KCNH6: variants seen among roughly 807,000 people sequenced by gnomAD.
The protein encoded by KCNH6 is potassium voltage-gated channel subfamily H member 6.
KCNH6 carries 81 observed loss-of-function variants against 83.4 expected under a neutral mutation model. The ratio of observed to expected loss-of-function variants is 0.97; its 90% CI spans 0.81 to 1.17. The LOEUF is 1.17. KCNH6 is among the 50% of genes most tolerant of loss of function. KCNH6 has a pLI of 0.00. For synonymous variants in KCNH6, 503 were observed against 545.6 expected (o/e 0.92, Z 1.09); for missense variants, 1,203 against 1,290.5 (o/e 0.93, Z 1.04).
At position 63,534,204 on chromosome 17, in the gene KCNH6, A is replaced by G; in HGVS notation, c.994A>G (p.Ser332Gly). 6.2e-7 allele frequency: 1 copy of G among 1,613,864 alleles called. No individual in the cohort carries two copies. Among genetic ancestry groups the G allele is most frequent in the Non-Finnish European group, 8.5e-7 (1 of 1,179,940 alleles). The change falls in exon 5 of 13, where the codon AGC becomes GGC. Residue 332 changes from serine to glycine, a missense_variant. Ser to Gly is a moderately conservative substitution (Grantham distance 56). Transcript: ENST00000314672. This position sits in a 1 kb window ranked among gnomAD's most constrained non-coding sequence, Gnocchi z 5.0. The stretch of plus-strand genomic sequence containing the variant: ...TGTCAACACCAATGATGAGGTGGTC[A>G]GCCACCCCCGCCGCATCGCCGTCCA... ...TYVNTNDEVV[S>G]HPRRIAVHYF...
chr17:63,542,244 A>G lies in KCNH6; in HGVS notation c.1958A>G (p.Lys653Arg). ...CTCCCACCCCTCTGGCTGGCAGGAAAGAATGACATCTTTGGGGAACCCGTC... is the reference window on the plus strand; with the variant it reads ...CTCCCACCCCTCTGGCTGGCAGGAAGGAATGACATCTTTGGGGAACCCGTC... ...RDDVVVAILGKNDIFGEPVSL... is the reference protein window; with the variant it reads ...RDDVVVAILGRNDIFGEPVSL... Residue 653 changes from lysine (K) to arginine (R), a missense_variant, in exon 9 of 13, where the codon AAG (lysine) becomes AGG (arginine). By Grantham distance (26) the Lys-to-Arg change is conservative. Transcript: ENST00000314672. The G allele has an allele frequency of 1.2e-6, 2 of 1,613,566 alleles. No individual in the cohort carries two copies. Among genetic ancestry groups the G allele is most frequent in the South Asian group, 1.1e-5 (1 of 91,084 alleles).
chr17:63,532,634 A>G lies in KCNH6; in HGVS notation c.676-1252A>G, dbSNP rs894592529. Reference sequence around the variant, plus strand: ...CCCCACTCAAGGGTTTGGATGTCAGATAGGGACCCTCTGGTTGAAACTAAA... The same window carrying G: ...CCCCACTCAAGGGTTTGGATGTCAGGTAGGGACCCTCTGGTTGAAACTAAA... On this transcript the variant is annotated intron_variant, in intron 4 of 12. Coordinates refer to ENST00000314672, the MANE Select transcript of KCNH6 (RefSeq NM_001278919.2). Among the ~76,000 whole-genome samples, 4 of 152,224 alleles carry G rather than the reference A, an allele frequency of 2.6e-5. No homozygotes were observed. The East Asian group carries it at 7.7e-4, about 29-fold the overall frequency.
downstream of KCNH6, among the ~76,000 whole-genome samples, chr17:63,547,536 T>A (rs1213609548): frequency 9.3e-5 from 4 of 42,808 alleles, no homozygotes; most frequent in Admixed American, 5.0e-4. Context: ...TTAACATCGT[T>A]CTTTTTTCTT....
At chr17:63,539,634 G>C (rs914198508) in intron 8 of KCNH6, among the ~76,000 whole-genome samples, 11 of 152,306 alleles carry the variant, frequency 7.2e-5, no homozygotes, top group African/African-American at 2.6e-4. Context: ...CCACGCCACA[G>C]TCTGCCAAGG....
chr17:63,547,520 C>A (rs569788290), downstream of KCNH6, among the ~76,000 whole-genome samples: 1 of 15,144 alleles, frequency 6.6e-5, no homozygotes, highest in East Asian at 1.8e-3. Flanking sequence ...CACAAGAAAC[C>A]CTTCTTTAAC....
chr17:63,525,269 T>C (rs1332728590), intron 2 of KCNH6, among the ~76,000 whole-genome samples: 1 of 152,190 alleles, frequency 6.6e-6, no homozygotes, highest in Non-Finnish European at 1.5e-5. Flanking sequence ...ATTTCATAGA[T>C]GTGGAAGGGA....
chr17:63,542,063 C>T (rs1051475369), intron 8 of KCNH6, among the ~76,000 whole-genome samples, 178 bp from the exon 9 acceptor site: 5 of 152,178 alleles, frequency 3.3e-5, no homozygotes, highest in South Asian at 2.1e-4. Context: ...GAGAACAGCC[C>T]CACCCCTACC....
chr17:63,548,983 A>T (rs2033199706), downstream of KCNH6: 1 of 152,192 alleles, frequency 6.6e-6, no homozygotes, highest in Non-Finnish European at 1.5e-5. Flanking sequence ...AAATTAAAAA[A>T]AAAAGAGGAT....
At position 63,530,072 on chromosome 17, in the gene KCNH6, C is replaced by G. The variant is rs777210766; in HGVS notation, c.308-19C>G. 1 of 1,611,600 alleles carries G rather than the reference C, an allele frequency of 6.2e-7. No individual in the cohort carries two copies. The highest frequency in any genetic ancestry group is 8.5e-7 in the Non-Finnish European group (1 of 1,179,348). ...ACCCCTTCAGGGCCCACCCCCCATC[C>G]TCCCAATGGTGTTCGCAGCCTCCAG... On this transcript the variant is annotated intron_variant, in intron 2 of 12. Coordinates refer to ENST00000314672, the MANE Select transcript of KCNH6 (RefSeq NM_001278919.2).
At position 63,535,833 on chromosome 17, in the gene KCNH6, C is replaced by A. The variant is rs367858262; in HGVS notation, c.1266C>A (p.Ile422=). 6.2e-7 allele frequency: 1 copy of A among 1,614,084 alleles called. No homozygotes were observed. The highest frequency in any genetic ancestry group is 2.2e-5 in the East Asian group (1 of 44,902). The change falls in exon 6 of 13, where the codon ATC becomes ATA. Residue 422 remains isoleucine, a synonymous_variant. Transcript: ENST00000314672. This position sits in a 1 kb window ranked among gnomAD's most constrained non-coding sequence, Gnocchi z 4.9. ...AHWLACIWYA[I]GNVERPYLEH... ...GGCTGGCCTGCATCTGGTACGCCATCGGCAATGTGGAGCGGCCCTACCTAG... is the reference window on the plus strand; with the variant it reads ...GGCTGGCCTGCATCTGGTACGCCATAGGCAATGTGGAGCGGCCCTACCTAG...
rs1281330659 is a variant in KCNH6 at position 63,536,236 on chromosome 17, G to A, written c.1501+168G>A. 2.0e-5 allele frequency: 13 copies of A among 646,054 alleles called. No homozygotes were observed. In the East Asian group the frequency reaches 3.2e-4, roughly 16 times the overall value. 40.0% of individuals were successfully genotyped at this position (646,054 alleles called of 1,614,324 possible). A position where few individuals can be genotyped will look rare whatever the true frequency, so the allele number is the denominator to read the frequency against. Reference sequence around the variant, plus strand: ...ATTTTTGCTGGTGTGTGCACCAAGTGTATACAATATTTAACACCCACACAG... The same window carrying A: ...ATTTTTGCTGGTGTGTGCACCAAGTATATACAATATTTAACACCCACACAG... On this transcript the variant is annotated intron_variant, in intron 6 of 12. Coordinates refer to ENST00000314672, the MANE Select transcript of KCNH6 (RefSeq NM_001278919.2).
chr17:63,547,065 A>G (rs1243367525), downstream of KCNH6, among the ~76,000 whole-genome samples: 4 of 152,052 alleles, frequency 2.6e-5, 1 homozygote, highest in Admixed American at 1.3e-4. Context: ...TATTATCCCC[A>G]TTTTACAGAT....
At chr17:63,543,530 A>G (rs777286676) in intron 9 of KCNH6, 46 bp from the exon 10 acceptor site, 11 of 1,232,370 alleles carry the variant, frequency 8.9e-6, no homozygotes, top group Non-Finnish European at 1.3e-5. Flanking sequence ...AAGAGGCCCC[A>G]TCCCAGCTTT....
intron 8 of KCNH6, among the ~76,000 whole-genome samples, chr17:63,541,714 G>A (rs1286414775): frequency 2.0e-5 from 3 of 152,208 alleles, no homozygotes; most frequent in Admixed American, 6.5e-5. Context: ...CTGGGGTCTA[G>A]ACAGGGGGAG....
In KCNH6 at chr17:63,530,145, C is replaced by A. The variant is rs147534520; in HGVS notation, c.362C>A (p.Ala121Asp). The A allele has an allele frequency of 6.2e-7, 1 of 1,614,106 alleles. No individual in the cohort carries two copies. Among genetic ancestry groups the A allele is most frequent in the Admixed American group, 1.7e-5 (1 of 60,036 alleles). ...GTGCCCGTGAAGAACGAGGACGGGG[C>A]TGTCATCATGTTCATTCTCAACTTC... ...DVVPVKNEDG[A>D]VIMFILNFED... Residue 121 changes from alanine (A) to aspartate (D), a missense_variant, in exon 3 of 13, where the codon GCT (alanine) becomes GAT (aspartate). Transcript: ENST00000314672.
At chr17:63,526,839 T>C (rs866297406) in intron 2 of KCNH6, among the ~76,000 whole-genome samples, 1 of 152,176 alleles carries the variant, frequency 6.6e-6, no homozygotes. Context: ...TACAGACATT[T>C]GGGCTCAAAG....
rs147226546 is a variant in KCNH6, at chr17:63,544,050, G to A, written c.2234-199G>A. 7.4e-5 allele frequency: 118 copies of A among 1,602,042 alleles called. 1 individual carries two copies. Among genetic ancestry groups the A allele is most frequent in the African/African-American group, 7.0e-4 (52 of 74,630 alleles). On this transcript the variant is annotated intron_variant, in intron 10 of 12. Coordinates refer to ENST00000314672, the MANE Select transcript of KCNH6 (RefSeq NM_001278919.2). ...GCTGGGGCCCCAGTTCCCCTCTAAG[G>A]GCTACAGCCTCCTGGGTCCTGGGAG...
chr17:63,529,290 C>T (rs1244947033), intron 2 of KCNH6, among the ~76,000 whole-genome samples: 3 of 152,214 alleles, frequency 2.0e-5, no homozygotes, highest in Non-Finnish European at 4.4e-5. Context: ...GAGGGGCCTG[C>T]CCTGCCCCCA....
rs1597988383 is a variant in KCNH6 at position 63,534,022 on chromosome 17, C to T, written c.812C>T (p.Ala271Val). 1 of 1,614,210 alleles carries T rather than the reference C, an allele frequency of 6.2e-7. No individual in the cohort carries two copies. Among genetic ancestry groups the T allele is most frequent in the Admixed American group, 1.7e-5 (1 of 60,026 alleles). ...ATCCTGCTGCTGGTCATCTACACGG[C>T]TGTCTTCACGCCCTACTCAGCCGCC... is the stretch of plus-strand genomic sequence containing the variant. ...WLILLLVIYT[A>V]VFTPYSAAFL... Residue 271 changes from alanine (A) to valine (V), a missense_variant, in exon 5 of 13, where the codon GCT becomes GTT. By Grantham distance (64) the Ala-to-Val change is moderately conservative. Coordinates refer to ENST00000314672, the MANE Select transcript of KCNH6 (RefSeq NM_001278919.2). The surrounding 1 kb of genome is among the most constrained non-coding windows in gnomAD (Gnocchi z 5.0).
Sources: gnomAD v4.1 joint callset for allele counts (sites outside exome capture counted in the v4.1 genomes callset) on GRCh38, gnomAD v4.1.1 for gene constraint, Gnocchi (gnomAD v3.1) non-coding constraint, MANE v1.5 for transcripts, NCBI Gene and HGNC (gene_info 2026-07-23, HGNC 2026-07-21) for gene names.